Variants in RHPN2 observed in about 807,000 individuals in gnomAD.
RHPN2 encodes rhophilin Rho GTPase binding protein 2.
RHPN2 carries 40 observed loss-of-function variants against 79.0 expected under a neutral mutation model. The ratio of observed to expected loss-of-function variants is 0.51; its 90% confidence interval spans 0.39 to 0.66. The LOEUF (loss-of-function observed/expected upper bound fraction) is 0.66, where lower values mean the gene tolerates loss of function less well. RHPN2 is among the 30% of genes least tolerant of loss of function. The pLI is 0.00. For synonymous variants in RHPN2, 285 were observed against 363.5 expected (o/e 0.78, Z 2.46); for missense variants, 686 against 883.5 (o/e 0.78, Z 2.83).
At chr19:33,051,141 A>G (rs1206063289) in intron 1 of RHPN2, among the ~76,000 whole-genome samples, 5 of 152,066 alleles carry the variant, frequency 3.3e-5, no homozygotes, top group Non-Finnish European at 7.4e-5. Flanking sequence ...ACAGGTGCAC[A>G]CCACCATGCC....
chr19:32,990,408 T>A, intron 14 of RHPN2, 106 bp downstream of exon 14: 1 of 1,197,208 alleles, frequency 8.4e-7, no homozygotes, highest in Non-Finnish European at 1.2e-6. Context: ...TTGTACCATG[T>A]TACACAGGCA....
At chr19:33,020,007 G>A (rs1172910141) in intron 4 of RHPN2, among the ~76,000 whole-genome samples, 1 of 152,092 alleles carries the variant, frequency 6.6e-6, no homozygotes, top group Non-Finnish European at 1.5e-5. Context: ...CGGTCTCCCA[G>A]CCCCAGCATC....
intron 1 of RHPN2, among the ~76,000 whole-genome samples, chr19:33,048,033 G>T (rs188368127): frequency 2.6e-5 from 4 of 151,780 alleles, no homozygotes; most frequent in Admixed American, 2.0e-4. Flanking sequence ...TCCCTGTCTC[G>T]CAAGGACACT....
intron 2 of RHPN2, among the ~76,000 whole-genome samples, chr19:33,030,349 T>C (rs1390019314): frequency 6.6e-6 from 1 of 152,068 alleles, no homozygotes; most frequent in Non-Finnish European, 1.5e-5. Flanking sequence ...TCCCAGCACT[T>C]TGGGAGGCCG....
In RHPN2 at chr19:33,012,576, C is replaced by T. The variant is rs554964691; in HGVS notation, c.468+71G>A. 9.8e-4 allele frequency: 903 copies of T among 921,386 alleles called. 3 individuals carry two copies. The highest frequency in any genetic ancestry group is 1.5e-3 in the Non-Finnish European group (820 of 547,282). 57.1% of individuals were successfully genotyped at this position (921,386 alleles called of 1,614,324 possible). A position where few individuals can be genotyped will look rare whatever the true frequency, so the allele number is the denominator to read the frequency against. On this transcript the variant is annotated intron_variant, in intron 5 of 14. Transcript: ENST00000254260. ...CCCGCGATTCTGTTAAGACCACAAGCGTGCAATAATGGGGTTCCCTGAAGA... is the reference window on the plus strand; with the variant it reads ...CCCGCGATTCTGTTAAGACCACAAGTGTGCAATAATGGGGTTCCCTGAAGA...
intron 4 of RHPN2, 116 bp downstream of exon 4, chr19:33,021,455 C>G: frequency 1.2e-6 from 1 of 821,008 alleles, no homozygotes; most frequent in South Asian, 1.4e-5. Flanking sequence ...TTCCTGGGCT[C>G]AAGCGATCCT....
chr19:32,987,010 G>A (rs989759949), intron 14 of RHPN2, among the ~76,000 whole-genome samples: 1 of 151,534 alleles, frequency 6.6e-6, no homozygotes, highest in African/African-American at 2.4e-5. Flanking sequence ...CCAAGCAGCT[G>A]GGACTACAGG....
In RHPN2 at chr19:32,991,894, C is replaced by G. The variant is rs769469341; in HGVS notation, c.1573G>C (p.Asp525His). 1 of 1,613,976 alleles carries G rather than the reference C, an allele frequency of 6.2e-7. No homozygotes were observed. The highest frequency in any genetic ancestry group is 1.7e-5 in the Admixed American group (1 of 60,006). Residue 525 changes from aspartate to histidine, a missense_variant, in exon 13 of 15, where the codon GAC becomes CAC. Asp to His is a moderately conservative substitution (Grantham distance 81). Transcript: ENST00000254260. ...RSIRFTAEEG[D>H]LGFTLRGNAP... The stretch of plus-strand genomic sequence containing the variant: ...TTCCCTCTCAAGGTGAACCCCAAGT[C>G]CCCTTCTTCTGCAGTGAAGCGGATG...
At chr19:33,042,188 T>TCA (rs2045999299) in intron 2 of RHPN2, among the ~76,000 whole-genome samples, 1 of 91,430 alleles carries the variant, frequency 1.1e-5, no homozygotes, top group African/African-American at 9.9e-5. Context: ...AAACTCCATC[T>TCA]CAAAAAAAAA....
rs749216712 is a variant in RHPN2 at position 33,002,953 on chromosome 19, C to T, written c.808G>A (p.Asp270Asn). 6 of 1,613,778 alleles carry T rather than the reference C, an allele frequency of 3.7e-6. No individual in the cohort carries two copies. Among genetic ancestry groups the T allele is most frequent in the African/African-American group, 2.7e-5 (2 of 74,906 alleles). Residue 270 changes from aspartate to asparagine, a missense_variant, in exon 8 of 15, where the codon GAC (aspartate) becomes AAC (asparagine). By Grantham distance (23) the Asp-to-Asn change is conservative. Transcript: ENST00000254260. The part of the protein sequence containing the change: ...KDTFTHTPSY[D>N]MSPAMLSVLV... ...ACGCTGAGCATGGCAGGGCTCATGTCGTAACTTGGAGTATGGGTAAATGTG... is the reference window on the plus strand; with the variant it reads ...ACGCTGAGCATGGCAGGGCTCATGTTGTAACTTGGAGTATGGGTAAATGTG...
Position 33,044,420 on chromosome 19 carries a change from A to G in RHPN2, c.70-56T>C, listed in dbSNP as rs111717797. ...GGTCGGCCACTCTAAAAATGATGAC[A>G]GGGTTTAATATAATGGAAAATGTTT... On this transcript the variant is annotated intron_variant, in intron 1 of 14. Transcript: ENST00000254260. 3.7e-6 allele frequency: 4 copies of G among 1,070,478 alleles called. No individual in the cohort carries two copies. The African/African-American group carries it at 6.2e-5, about 17-fold the overall frequency. 66.3% of individuals were successfully genotyped at this position (1,070,478 alleles called of 1,614,324 possible).
chr19:33,013,178 A>C (rs1184358163), intron 4 of RHPN2, among the ~76,000 whole-genome samples: 4 of 139,794 alleles, frequency 2.9e-5, no homozygotes, highest in African/African-American at 8.6e-5. Flanking sequence ...GCCCGGCCAT[A>C]GTTTTTTTTT....
intron 12 of RHPN2, among the ~76,000 whole-genome samples, chr19:32,992,530 A>C (rs1310491928): frequency 2.6e-5 from 4 of 152,192 alleles, no homozygotes; most frequent in African/African-American, 4.8e-5. Flanking sequence ...AAAAAATGTA[A>C]GACTAGGCAT....
chr19:33,050,026 G>A (rs1210310588), intron 1 of RHPN2, among the ~76,000 whole-genome samples: 4 of 152,174 alleles, frequency 2.6e-5, no homozygotes, highest in Non-Finnish European at 2.9e-5. Flanking sequence ...CTGGTGGGGG[G>A]CAGGGGTGTG....
At chr19:33,063,264 A>T (rs1011641745) in intron 1 of RHPN2, among the ~76,000 whole-genome samples, 1 of 148,530 alleles carries the variant, frequency 6.7e-6, no homozygotes, top group Non-Finnish European at 1.5e-5. Context: ...TATACCTCAA[A>T]ACTACTTTTT....
chr19:33,022,577 C>T (rs751169882), intron 3 of RHPN2, among the ~76,000 whole-genome samples: 3 of 152,196 alleles, frequency 2.0e-5, no homozygotes, highest in Non-Finnish European at 4.4e-5. Context: ...ACACCCTCCA[C>T]CTCCTCTCCC....
intron 9 of RHPN2, among the ~76,000 whole-genome samples, chr19:33,001,391 T>A (rs74891488): frequency 2.0e-5 from 3 of 152,090 alleles, no homozygotes; most frequent in Non-Finnish European, 2.9e-5. Flanking sequence ...AAATTTTTTT[T>A]AATTAACTGG....
chr19:32,991,242 G>C (rs955035430), intron 13 of RHPN2: 32 of 186,558 alleles, frequency 1.7e-4, no homozygotes, highest in African/African-American at 7.7e-4. Context: ...CGGATCACAA[G>C]ATCAGGAGAT....
intron 2 of RHPN2, among the ~76,000 whole-genome samples, chr19:33,040,556 C>T (rs554001284): frequency 3.3e-5 from 5 of 152,130 alleles, no homozygotes; most frequent in African/African-American, 1.2e-4. Flanking sequence ...TTAAATTTCA[C>T]AAGGACTGCC....
Sources: gnomAD v4.1 joint callset for allele counts (sites outside exome capture counted in the v4.1 genomes callset) on GRCh38, gnomAD v4.1.1 for gene constraint, MANE v1.5 for transcripts, NCBI Gene and HGNC (gene_info 2026-07-23, HGNC 2026-07-21) for gene names.